The following SMCHD1 variants were observed in gnomAD, a reference collection of about 807,000 sequenced individuals.
SMCHD1 encodes the protein structural maintenance of chromosomes flexible hinge domain containing 1, also known as structural maintenance of chromosomes flexible hinge domain-containing protein 1.
In SMCHD1, 78 loss-of-function variants were observed where a neutral mutation model predicts 254.7. That is an observed-to-expected ratio of 0.31 (90% CI 0.26 to 0.37). The LOEUF is 0.37. Among genes scored for constraint, SMCHD1 ranks in the 10% least tolerant of loss-of-function variants. The pLI is 1.00. For synonymous variants in SMCHD1, 766 were observed against 794.9 expected (o/e 0.96, Z 0.61); for missense variants, 1,840 against 2,408.1 (o/e 0.76, Z 4.94).
At chr18:2,752,854 G>T in intron 34 of SMCHD1, 1 of 222,386 alleles carries the variant, frequency 4.5e-6, no homozygotes, top group South Asian at 7.1e-5. Flanking sequence ...TTTCTATAAA[G>T]ATTAGACTGG....
In SMCHD1 at chr18:2,775,843, G is replaced by A. The variant is rs1427732854; in HGVS notation, c.5285G>A (p.Arg1762His). Reference protein sequence around the residue: ...VVTLTTDAARRIYDETQGRQQ... With the variant: ...VVTLTTDAARHIYDETQGRQQ... ...ACCCTAACCACTGACGCTGCACGTC[G>A]TATCTATGATGAAACCCAAGGTCGT... The change falls in exon 42 of 48, where the codon CGT becomes CAT. Residue 1762 changes from arginine to histidine, a missense_variant. Transcript: ENST00000320876. 20 of 1,612,004 alleles carry A rather than the reference G, an allele frequency of 1.2e-5. No homozygotes were observed. The highest frequency in any genetic ancestry group is 3.4e-5 in the Admixed American group (2 of 59,508).
intron 8 of SMCHD1, 56 bp from the exon 9 acceptor site, chr18:2,696,976 C>T (rs552832127): frequency 7.6e-6 from 6 of 794,598 alleles, no homozygotes; most frequent in African/African-American, 1.8e-5. Context: ...TAGAAGATTA[C>T]ATTAACTATA....
At chr18:2,670,843 G>A (rs901690925) in intron 3 of SMCHD1, among the ~76,000 whole-genome samples, 8 of 148,888 alleles carry the variant, frequency 5.4e-5, no homozygotes, top group Admixed American at 2.7e-4. Flanking sequence ...GGAGCTTGTA[G>A]TGAGCTGAGA....
At chr18:2,683,672 G>A (rs2073978619) in intron 5 of SMCHD1, among the ~76,000 whole-genome samples, 1 of 152,098 alleles carries the variant, frequency 6.6e-6, no homozygotes, top group African/African-American at 2.4e-5. Context: ...TATCCTTGCT[G>A]GATTTTCTGT....
At chr18:2,685,050 G>A (rs1178882139) in intron 5 of SMCHD1, among the ~76,000 whole-genome samples, 9 of 147,774 alleles carry the variant, frequency 6.1e-5, no homozygotes, top group African/African-American at 1.8e-4. Flanking sequence ...AACTATACAC[G>A]TCTGCCCTGT....
chr18:2,729,226 T>C, intron 23 of SMCHD1, 49 bp from the exon 24 acceptor site: 2 of 1,338,232 alleles, frequency 1.5e-6, no homozygotes, highest in African/African-American at 1.5e-5. Flanking sequence ...TACGGAAGAA[T>C]CAAATATATT....
rs375698797 is a variant in SMCHD1 at position 2,782,566 on chromosome 18, G to A, written c.5548-1884G>A. Among the ~76,000 whole-genome samples, 22 of 150,728 alleles carry A rather than the reference G, an allele frequency of 1.5e-4. No homozygotes were observed. The South Asian group carries it at 4.0e-3, about 27-fold the overall frequency. ...ACCAGCCTGGGCAACATAGTGAGAC[G>A]CCAACTCTACAAAGTTTAAAAAAAA... On this transcript the variant is annotated intron_variant, in intron 44 of 47. Coordinates refer to ENST00000320876, the MANE Select transcript of SMCHD1 (RefSeq NM_015295.3).
chr18:2,779,810 A>G (rs2076124852), intron 44 of SMCHD1, among the ~76,000 whole-genome samples: 1 of 151,754 alleles, frequency 6.6e-6, no homozygotes, highest in South Asian at 2.1e-4. Context: ...AGCCTAGGCA[A>G]TATAATGCGA....
chr18:2,721,142 G>A lies in SMCHD1; in HGVS notation c.2459-1377G>A, dbSNP rs143687521. The stretch of plus-strand genomic sequence containing the variant: ...ACAGCCATTCCTGAGACTTATGGGC[G>A]TCTGATAACGGTGAATCAGATTCAG... On this transcript the variant is annotated intron_variant, in intron 19 of 47. Transcript: ENST00000320876. Among the ~76,000 whole-genome samples the A allele has an allele frequency of 4.4e-3, 672 of 152,246 alleles. 5 individuals are homozygous for A. The highest frequency in any genetic ancestry group is 0.016 in the African/African-American group (655 of 41,558).
chr18:2,696,505 C>T (rs1205347165), intron 8 of SMCHD1, among the ~76,000 whole-genome samples: 2 of 152,178 alleles, frequency 1.3e-5, no homozygotes, highest in Non-Finnish European at 2.9e-5. Flanking sequence ...TCCCAAATCA[C>T]CCCCCTTCAA....
intron 13 of SMCHD1, 32 bp downstream of exon 13, chr18:2,703,918 T>C (rs761548666): frequency 7.6e-6 from 11 of 1,454,940 alleles, no homozygotes; most frequent in Admixed American, 7.2e-5. Flanking sequence ...TTTTTTCTTA[T>C]AATTTTTAAT....
At chr18:2,776,670 T>G (rs932912590) in intron 42 of SMCHD1, among the ~76,000 whole-genome samples, 3 of 152,176 alleles carry the variant, frequency 2.0e-5, no homozygotes, top group Admixed American at 1.3e-4. Context: ...CGGCCTGTAA[T>G]TGCATAGGAA....
chr18:2,691,891 G>C (rs964206435), intron 7 of SMCHD1: 1 of 152,278 alleles, frequency 6.6e-6, no homozygotes, highest in Non-Finnish European at 1.5e-5. Flanking sequence ...CTGGAAAACA[G>C]AGTTTCTGGC....
intron 29 of SMCHD1, among the ~76,000 whole-genome samples, chr18:2,744,888 G>A (rs931305562): frequency 3.9e-5 from 6 of 152,250 alleles, no homozygotes; most frequent in South Asian, 2.1e-4. Context: ...CCAGGCTGGC[G>A]TGTGGAATGC....
chr18:2,722,818 A>G (rs1206786590), intron 20 of SMCHD1, among the ~76,000 whole-genome samples, 155 bp downstream of exon 20: 2 of 152,188 alleles, frequency 1.3e-5, no homozygotes, highest in Admixed American at 6.5e-5. Context: ...GCTCCAAGCT[A>G]TCCTCTGTGA....
At chr18:2,740,187 G>T (rs2075323412) in intron 27 of SMCHD1, among the ~76,000 whole-genome samples, 1 of 151,992 alleles carries the variant, frequency 6.6e-6, no homozygotes, top group Non-Finnish European at 1.5e-5. Flanking sequence ...TGTGGTGTTT[G>T]GTTTTCTGTT....
At position 2,794,055 on chromosome 18, in the gene SMCHD1, G is replaced by T. The variant is rs141269187; in HGVS notation, c.5720-1894G>T. Among the ~76,000 whole-genome samples, 899 of 152,238 alleles carry T rather than the reference G, an allele frequency of 5.9e-3. 8 individuals carry two copies. The highest frequency in any genetic ancestry group is 0.018 in the South Asian group (89 of 4,824). On this transcript the variant is annotated intron_variant, in intron 45 of 47. Coordinates refer to ENST00000320876, the MANE Select transcript of SMCHD1 (RefSeq NM_015295.3). ...CCATGGATATTGATCATCTTGGTGT[G>T]TGACTAGAGTCTTATCCAGATGCTA...
intron 10 of SMCHD1, among the ~76,000 whole-genome samples, chr18:2,699,736 G>T (rs2143173353): frequency 6.6e-6 from 1 of 152,350 alleles, no homozygotes; most frequent in African/African-American, 2.4e-5. Flanking sequence ...AGAAGAGCAA[G>T]TAAGTTGAGT....
rs1208391091 is a variant in SMCHD1 at position 2,697,039 on chromosome 18, T to C, written c.1048T>C (p.Tyr350His). Residue 350 changes from tyrosine (Y) to histidine (H), a missense_variant, in exon 9 of 48, where the codon TAT (tyrosine) becomes CAT (histidine). By Grantham distance (83) the Tyr-to-His change is moderately conservative (BLOSUM62 2). Coordinates refer to ENST00000320876, the MANE Select transcript of SMCHD1 (RefSeq NM_015295.3). ...TATTCTTCTCTATTTTAGGCATATT[T>C]ATCACTACTATATTCATGGCCCAAA... ...HLWTRQLAHI[Y>H]HYYIHGPKGN... is the part of the protein sequence containing the mutation. 7.1e-7 allele frequency: 1 copy of C among 1,402,642 alleles called. No homozygotes were observed. Among genetic ancestry groups the C allele is most frequent in the South Asian group, 1.4e-5 (1 of 70,430 alleles). 86.9% of individuals were successfully genotyped at this position (1,402,642 alleles called of 1,614,324 possible). A position where few individuals can be genotyped will look rare whatever the true frequency, so the allele number is the denominator to read the frequency against.
Sources: allele counts gnomAD v4.1 joint callset (sites outside exome capture counted in the v4.1 genomes callset), GRCh38; gene constraint gnomAD v4.1.1; transcripts MANE v1.5; gene names NCBI Gene and HGNC (gene_info 2026-07-23, HGNC 2026-07-21).